The following NDST1 variants were observed in gnomAD, a reference collection of about 807,000 sequenced individuals.
NDST1 encodes bifunctional heparan sulfate N-deacetylase/N-sulfotransferase 1.
In NDST1, 35 loss-of-function variants were observed where a neutral mutation model predicts 92.8. The ratio of observed to expected loss-of-function variants is 0.38; its 90% confidence interval spans 0.29 to 0.50. NDST1 has a LOEUF of 0.50. NDST1 is among the 20% of genes least tolerant of loss of function. The pLI is 0.94. For missense variants in NDST1, 822 were observed against 1,182.7 expected (o/e 0.69, Z 4.47); for synonymous variants, 493 against 500.3 (o/e 0.99, Z 0.19).
chr5:150,552,077 G>A (rs113692521), intron 14 of NDST1, among the ~76,000 whole-genome samples: 247 of 152,312 alleles, frequency 1.6e-3, no homozygotes, highest in African/African-American at 5.2e-3. Context: ...AGGGCTGAGT[G>A]CTGTGGGGTT....
chr5:150,554,167 G>A lies in NDST1; in HGVS notation c.*835G>A. On this transcript the variant is annotated 3_prime_UTR_variant, in exon 15 of 15. Coordinates refer to ENST00000261797, the MANE Select transcript of NDST1 (RefSeq NM_001543.5). The stretch of plus-strand genomic sequence containing the variant: ...CAGCCTCAGGCCCAGGCAGACATGG[G>A]CGAGCTGGTGAGACTGCCAGCCACG... 2.5e-6 allele frequency: 1 copy of A among 398,854 alleles called. No homozygotes were observed. The highest frequency in any genetic ancestry group is 4.4e-6 in the Non-Finnish European group (1 of 226,020). The allele number at this position is 398,854 out of a possible 1,614,324, so 24.7% of individuals were successfully genotyped here.
chr5:150,542,855 T>C lies in NDST1; in HGVS notation c.1854T>C (p.Thr618=). Residue 618 remains threonine, a synonymous_variant, in exon 10 of 15, where the codon ACT becomes ACC. Transcript: ENST00000261797. ...LIIGPQKTGT[T]ALYLFLGMHP... ...TGTCTACCCTCCCCACAGGCACCAC[T>C]GCCCTCTACCTGTTCCTGGGCATGC... 1.9e-6 allele frequency: 3 copies of C among 1,614,136 alleles called. No individual in the cohort carries two copies. In the South Asian group the frequency reaches 3.3e-5, roughly 18 times the overall value.
At chr5:150,522,955 G>T (rs1037747862) in intron 2 of NDST1, among the ~76,000 whole-genome samples, 1 of 152,190 alleles carries the variant, frequency 6.6e-6, no homozygotes, top group African/African-American at 2.4e-5. Flanking sequence ...GAGGAGGAGC[G>T]GGAGATGGGT....
At chr5:150,508,769 C>T (rs1224996476) in intron 1 of NDST1, among the ~76,000 whole-genome samples, 1 of 152,096 alleles carries the variant, frequency 6.6e-6, no homozygotes, top group Non-Finnish European at 1.5e-5. Flanking sequence ...TTGATGGGGG[C>T]CAGTCACAAC....
At chr5:150,535,151 A>G in intron 5 of NDST1, 130 bp downstream of exon 5, 2 of 1,390,194 alleles carry the variant, frequency 1.4e-6, no homozygotes, top group East Asian at 2.5e-5. Flanking sequence ...GGCCAGGGCC[A>G]AGGGAGAGCT....
chr5:150,540,810 G>A (rs967542218), intron 8 of NDST1, among the ~76,000 whole-genome samples: 1 of 151,124 alleles, frequency 6.6e-6, no homozygotes, highest in African/African-American at 2.4e-5. Context: ...GTGAGACCCT[G>A]TTTCAAAAAC....
At chr5:150,533,100 A>C (rs1581386786) in intron 4 of NDST1, 68 bp downstream of exon 4, 1 of 1,475,844 alleles carries the variant, frequency 6.8e-7, no homozygotes, top group African/African-American at 1.4e-5. Context: ...CCCTCAAAGC[A>C]CCCATCCATG....
chr5:150,506,192 C>T (rs1382334221), upstream of NDST1, among the ~76,000 whole-genome samples: 1 of 152,176 alleles, frequency 6.6e-6, no homozygotes, highest in East Asian at 1.9e-4. Context: ...CTTACTGTAG[C>T]CTCAACCTCC....
chr5:150,545,175 C>T (rs1485644404), intron 10 of NDST1, 137 bp from the exon 11 acceptor site: 17 of 1,003,794 alleles, frequency 1.7e-5, no homozygotes, highest in African/African-American at 4.8e-5. Flanking sequence ...GGAGGCAAGT[C>T]CTTGTTTGGT....
intron 1 of NDST1, among the ~76,000 whole-genome samples, chr5:150,519,483 G>A (rs948073266): frequency 6.6e-6 from 1 of 152,138 alleles, no homozygotes; most frequent in Admixed American, 6.5e-5. Context: ...CAAGGCCGGC[G>A]AATCACCTGA....
upstream of NDST1, among the ~76,000 whole-genome samples, chr5:150,505,700 A>G (rs148757540): frequency 5.9e-5 from 9 of 152,282 alleles, no homozygotes; most frequent in East Asian, 1.7e-3. Flanking sequence ...TATGCTCCCT[A>G]CAGAATAACC....
chr5:150,534,788 C>G, intron 4 of NDST1, 79 bp from the exon 5 acceptor site: 1 of 1,584,710 alleles, frequency 6.3e-7, no homozygotes, highest in Non-Finnish European at 8.7e-7. Context: ...TGGCCATGCT[C>G]TCCCATCCCC....
Position 150,521,269 on chromosome 5 carries a change from A to G in NDST1, c.15A>G (p.Ala5=). ...CGGAGGCCAGGATGCCTGCCCTGGC[A>G]TGCCTCCGGAGGCTGTGTCGGCACG... The part of the protein sequence containing the change: MPAL[A]CLRRLCRHVS... Residue 5 remains alanine, a synonymous_variant, in exon 2 of 15, where the codon GCA becomes GCG. Coordinates refer to ENST00000261797, the MANE Select transcript of NDST1 (RefSeq NM_001543.5). This position sits in a 1 kb window ranked among gnomAD's most constrained non-coding sequence, Gnocchi z 5.9. 2.2e-5 allele frequency: 35 copies of G among 1,609,020 alleles called. No individual in the cohort carries two copies. Among genetic ancestry groups the G allele is most frequent in the Non-Finnish European group, 2.9e-5 (34 of 1,178,644 alleles).
Position 150,549,728 on chromosome 5 carries a change from G to A in NDST1, c.2367G>A (p.Met789Ile). Residue 789 changes from methionine (M) to isoleucine (I), a missense_variant, in exon 13 of 15, where the codon ATG (methionine) becomes ATA (isoleucine). Coordinates refer to ENST00000261797, the MANE Select transcript of NDST1 (RefSeq NM_001543.5). ...KLLRTEPAKV[M>I]DMVQKFLGVT... ...TTCGCACAGAACCTGCCAAAGTGAT[G>A]GACATGGTGCAGAAGTTCCTTGGGG... 1 of 1,614,092 alleles carries A rather than the reference G, an allele frequency of 6.2e-7. No homozygotes were observed. Among genetic ancestry groups the A allele is most frequent in the South Asian group, 1.1e-5 (1 of 91,064 alleles).
At position 150,532,673 on chromosome 5, in the gene NDST1, C is replaced by T. The variant is rs1444725587; in HGVS notation, c.1009-272C>T. Among the ~76,000 whole-genome samples the T allele has an allele frequency of 5.3e-5, 8 of 152,142 alleles. No individual in the cohort carries two copies. The South Asian group carries it at 6.2e-4, about 12-fold the overall frequency. ...TCCCAAGTAGCTGGGATTACAGGCT[C>T]GTGCCACCATGCCCGGCTAATTTTT... is the stretch of plus-strand genomic sequence containing the variant. On this transcript the variant is annotated intron_variant, in intron 3 of 14. Coordinates refer to ENST00000261797, the MANE Select transcript of NDST1 (RefSeq NM_001543.5).
chr5:150,519,266 T>G (rs1216808698), intron 1 of NDST1, among the ~76,000 whole-genome samples: 1 of 152,208 alleles, frequency 6.6e-6, no homozygotes, highest in Non-Finnish European at 1.5e-5. Context: ...CATATAGTCT[T>G]GGAGCTGGAA....
intron 13 of NDST1, 133 bp from the exon 14 acceptor site, chr5:150,551,620 C>T (rs1389072656): frequency 2.7e-6 from 3 of 1,131,248 alleles, no homozygotes; most frequent in South Asian, 2.7e-5. Flanking sequence ...CACATAGCTT[C>T]TGACAGTCCA....
At chr5:150,532,841 AT>A in intron 3 of NDST1, 103 bp from the exon 4 acceptor site, 1 of 1,078,028 alleles carries the variant, frequency 9.3e-7, no homozygotes, top group Admixed American at 1.7e-5. Flanking sequence ...ATTCTTTATA[AT>A]TTTTGAACAA....
chr5:150,512,207 G>A (rs918334202), intron 1 of NDST1, among the ~76,000 whole-genome samples: 4 of 152,150 alleles, frequency 2.6e-5, no homozygotes, highest in Non-Finnish European at 2.9e-5. Context: ...CTATGATGAT[G>A]CCATTTGAGC....
Sources: allele counts gnomAD v4.1 joint callset (sites outside exome capture counted in the v4.1 genomes callset), GRCh38; gene constraint gnomAD v4.1.1; non-coding constraint Gnocchi (gnomAD v3.1); transcripts MANE v1.5; gene names NCBI Gene and HGNC (gene_info 2026-07-23, HGNC 2026-07-21).